KCMF1: variants seen among roughly 807,000 people sequenced by gnomAD.
KCMF1 encodes potassium channel modulatory factor 1.
A neutral mutation model predicts 41.1 loss-of-function variants in KCMF1; 3 were observed. The ratio of observed to expected loss-of-function variants is 0.07; its 90% confidence interval spans 0.03 to 0.19. KCMF1 has a LOEUF of 0.19. KCMF1 is among the 10% of genes least tolerant of loss of function. KCMF1 has a pLI of 1.00. For missense variants in KCMF1, 286 were observed against 488.9 expected, an observed-to-expected ratio of 0.58 and a Z score of 3.91; for synonymous variants, 142 against 164.5, an observed-to-expected ratio of 0.86 and a Z score of 1.04.
chr2:84,973,687 A>G lies in KCMF1; in HGVS notation c.16+2220A>G, dbSNP rs547487446. Among the ~76,000 whole-genome samples the G allele has an allele frequency of 4.6e-5, 7 of 152,300 alleles. No homozygotes were observed. The East Asian group carries it at 1.3e-3, about 29-fold the overall frequency. On this transcript the variant is annotated intron_variant, in intron 1 of 6. Coordinates refer to ENST00000409785, the MANE Select transcript of KCMF1 (RefSeq NM_020122.5). ...AGTTCAGACTGTCATTATTGTCATC[A>G]GTAAGACTTTGACCTATCAGTAAAT...
In KCMF1 at chr2:85,056,385, T is replaced by C. The variant is rs1326398535; in HGVS notation, c.*2976T>C. ...AAGGTCACCAAGGCTTTTGTGTTTT[T>C]TTCCGGTCTGTGGGCCACAGTTAAA... is the stretch of plus-strand genomic sequence containing the variant. On this transcript the variant is annotated 3_prime_UTR_variant, in exon 7 of 7. Transcript: ENST00000409785. 6.6e-6 allele frequency: 1 copy of C among 152,234 alleles called. No homozygotes were observed. The highest frequency in any genetic ancestry group is 1.5e-5 in the Non-Finnish European group (1 of 68,046). The allele number at this position is 152,234 out of a possible 1,614,324, so 9.4% of individuals were successfully genotyped here. A position where few individuals can be genotyped will look rare whatever the true frequency, so the allele number is the denominator to read the frequency against.
intron 4 of KCMF1, among the ~76,000 whole-genome samples, chr2:85,044,390 T>A (rs935554646): frequency 4.6e-5 from 7 of 152,102 alleles, no homozygotes; most frequent in Middle Eastern, 3.4e-3. Flanking sequence ...CTTTTTTTTT[T>A]AAAAGTCGGA....
At chr2:85,018,578 G>A (rs1674847079) in intron 1 of KCMF1, among the ~76,000 whole-genome samples, 1 of 151,930 alleles carries the variant, frequency 6.6e-6, no homozygotes, top group African/African-American at 2.4e-5. Flanking sequence ...CCATGACTAA[G>A]CTAGATTATT....
chr2:84,977,694 T>C (rs1015473699), intron 1 of KCMF1, among the ~76,000 whole-genome samples: 1 of 151,992 alleles, frequency 6.6e-6, no homozygotes, highest in African/African-American at 2.4e-5. Context: ...GTACTGGGAT[T>C]ATAGGTGTGA....
intron 1 of KCMF1, among the ~76,000 whole-genome samples, chr2:85,002,585 GCTCCTGA>G (rs1049749501): frequency 6.6e-6 from 1 of 150,800 alleles, no homozygotes; most frequent in Non-Finnish European, 1.5e-5. Context: ...TACTAATAAA[GCTCCTGA>G]CTTTATTGAG....
chr2:85,017,044 G>T (rs1674787853), intron 1 of KCMF1, among the ~76,000 whole-genome samples: 2 of 126,420 alleles, frequency 1.6e-5, no homozygotes, highest in South Asian at 5.1e-4. Context: ...TTGAGATGGA[G>T]TCTCGCTCTG....
chr2:84,998,571 A>C (rs117958336), intron 1 of KCMF1, among the ~76,000 whole-genome samples: 1 of 150,636 alleles, frequency 6.6e-6, no homozygotes, highest in African/African-American at 2.4e-5. Flanking sequence ...CCAACGCCTT[A>C]TTTATTTATT....
intron 1 of KCMF1, among the ~76,000 whole-genome samples, chr2:84,993,013 C>T (rs1191850332): frequency 1.3e-5 from 2 of 151,900 alleles, no homozygotes; most frequent in East Asian, 1.9e-4. Flanking sequence ...GAACAACTGA[C>T]GAAACCCCTT....
intron 1 of KCMF1, among the ~76,000 whole-genome samples, chr2:85,014,519 A>G (rs1015319978): frequency 5.9e-5 from 9 of 151,998 alleles, no homozygotes; most frequent in African/African-American, 2.2e-4. Flanking sequence ...TTAGCAGATT[A>G]AAAATCATCA....
In KCMF1 at chr2:85,057,375, C is replaced by T. The variant is rs935163482; in HGVS notation, c.*3966C>T. ...GGAAGGGAAGAGGCTGGGGAGGAGCCTCTCATCTCATCTCATTTCAGCCTC... is the reference window on the plus strand; with the variant it reads ...GGAAGGGAAGAGGCTGGGGAGGAGCTTCTCATCTCATCTCATTTCAGCCTC... On this transcript the variant is annotated 3_prime_UTR_variant, in exon 7 of 7. Coordinates refer to ENST00000409785, the MANE Select transcript of KCMF1 (RefSeq NM_020122.5). The T allele has an allele frequency of 1.3e-5, 2 of 151,988 alleles. No individual in the cohort carries two copies. The highest frequency in any genetic ancestry group is 2.9e-5 in the Non-Finnish European group (2 of 68,038). 9.4% of individuals were successfully genotyped at this position (151,988 alleles called of 1,614,324 possible). A position where few individuals can be genotyped will look rare whatever the true frequency, so the allele number is the denominator to read the frequency against.
Position 85,046,219 on chromosome 2 carries a change from TTTC to T in KCMF1, c.550_552del (p.Ser184del), listed in dbSNP as rs1392717526. 5 of 1,613,358 alleles carry T rather than the reference TTTC, an allele frequency of 3.1e-6. No homozygotes were observed. The highest frequency in any genetic ancestry group is 4.2e-6 in the Non-Finnish European group (5 of 1,179,638). Reference sequence around the variant, plus strand: ...TTTACTAGCAGTTCTACTGGTGGACTTTCTTCTTCTCAGAGTTCATATTCTCCA... The same window carrying T: ...TTTACTAGCAGTTCTACTGGTGGACTTTCTTCTCAGAGTTCATATTCTCCA... On this transcript the variant is annotated inframe_deletion, in exon 5 of 7. Coordinates refer to ENST00000409785, the MANE Select transcript of KCMF1 (RefSeq NM_020122.5).
At chr2:84,975,533 C>T (rs1574000360) in intron 1 of KCMF1, among the ~76,000 whole-genome samples, 1 of 152,124 alleles carries the variant, frequency 6.6e-6, no homozygotes, top group East Asian at 1.9e-4. Flanking sequence ...GTGGAGATGG[C>T]AGTACCCTAC....
chr2:85,025,612 T>A (rs762629164), intron 1 of KCMF1, among the ~76,000 whole-genome samples: 1 of 152,044 alleles, frequency 6.6e-6, no homozygotes, highest in Non-Finnish European at 1.5e-5. Context: ...CAAATGACAT[T>A]TTTTTGGTTT....
At position 85,017,638 on chromosome 2, in the gene KCMF1, A is replaced by G. The variant is rs555701090; in HGVS notation, c.17-10251A>G. The stretch of plus-strand genomic sequence containing the variant: ...TCAATGGCAAGTGCTATATAATCCC[A>G]GGCCTTCAAATTCCAAATGAGGTCG... On this transcript the variant is annotated intron_variant, in intron 1 of 6. Coordinates refer to ENST00000409785, the MANE Select transcript of KCMF1 (RefSeq NM_020122.5). 6.2e-5 allele frequency among the ~76,000 whole-genome samples: 9 copies of G among 144,414 alleles called. No homozygotes were observed. The South Asian group carries it at 2.0e-3, about 33-fold the overall frequency. 94.7% of individuals were successfully genotyped at this position (144,414 alleles called of 152,430 possible).
chr2:85,001,652 A>T (rs892740752), intron 1 of KCMF1, among the ~76,000 whole-genome samples: 3 of 152,176 alleles, frequency 2.0e-5, no homozygotes, highest in African/African-American at 7.2e-5. Flanking sequence ...GATGACCAAA[A>T]AATAGCCCCC....
chr2:84,991,877 G>A (rs143582877), intron 1 of KCMF1, among the ~76,000 whole-genome samples: 1 of 152,284 alleles, frequency 6.6e-6, no homozygotes, highest in Admixed American at 6.5e-5. Flanking sequence ...TAGATCCCAT[G>A]ACTCATATTT....
chr2:84,997,156 A>G (rs1405253269), intron 1 of KCMF1, among the ~76,000 whole-genome samples: 1 of 152,156 alleles, frequency 6.6e-6, no homozygotes, highest in African/African-American at 2.4e-5. Flanking sequence ...CTACTCAGTC[A>G]TAGAACAGGT....
At chr2:85,008,313 A>AT in intron 1 of KCMF1, among the ~76,000 whole-genome samples, 1 of 2,250 alleles carries the variant, frequency 4.4e-4, no homozygotes. Context: ...ATAATATGAT[A>AT]TATATATCAT....
chr2:85,034,569 A>G (rs1044134073), intron 2 of KCMF1, among the ~76,000 whole-genome samples: 2 of 152,224 alleles, frequency 1.3e-5, no homozygotes, highest in African/African-American at 4.8e-5. Flanking sequence ...GAGGAATAAC[A>G]TGGAGTCCTC....
Sources: gnomAD v4.1 joint callset for allele counts (sites outside exome capture counted in the v4.1 genomes callset) on GRCh38, gnomAD v4.1.1 for gene constraint, MANE v1.5 for transcripts, NCBI Gene and HGNC (gene_info 2026-07-23, HGNC 2026-07-21) for gene names.